ATF6: variants seen among roughly 807,000 people sequenced by gnomAD.
ATF6 encodes the protein cyclic AMP-dependent transcription factor ATF-6 alpha.
In ATF6, 53 loss-of-function variants were observed where a neutral mutation model predicts 83.6. That is an observed-to-expected ratio of 0.63 (90% CI 0.51 to 0.80). ATF6 has a LOEUF of 0.80. ATF6 is among the 30% of genes least tolerant of loss of function. The pLI is 0.00. For synonymous variants in ATF6, 288 were observed against 285.8 expected (o/e 1.01, Z -0.08); for missense variants, 744 against 797.9 (o/e 0.93, Z 0.81).
At chr1:161,805,684 C>T (rs1336432019) in intron 7 of ATF6, among the ~76,000 whole-genome samples, 1 of 151,926 alleles carries the variant, frequency 6.6e-6, no homozygotes, top group African/African-American at 2.4e-5. Flanking sequence ...TCTGTTAAAA[C>T]ACAAGTCCTA....
chr1:161,903,270 G>C (rs987238466), intron 14 of ATF6, among the ~76,000 whole-genome samples: 3 of 152,064 alleles, frequency 2.0e-5, no homozygotes, highest in Non-Finnish European at 4.4e-5. Context: ...TAAAATATAG[G>C]GGTGTCTCCT....
At chr1:161,833,505 G>GA (rs887416338) in intron 9 of ATF6, among the ~76,000 whole-genome samples, 16 of 150,766 alleles carry the variant, frequency 1.1e-4, no homozygotes, top group Admixed American at 7.3e-4. Flanking sequence ...TAAAAACTTT[G>GA]AAAAAAAAAT....
chr1:161,824,031 T>C (rs1173195863), intron 9 of ATF6, among the ~76,000 whole-genome samples: 1 of 152,218 alleles, frequency 6.6e-6, no homozygotes, highest in African/African-American at 2.4e-5. Flanking sequence ...TGTGATAGAG[T>C]TTGCCAAATT....
intron 2 of ATF6, among the ~76,000 whole-genome samples, chr1:161,780,022 G>A (rs1847383): frequency 0.49 from 74,083 of 152,042 alleles, 22,106 homozygotes; most frequent in Non-Finnish European, 0.66. Flanking sequence ...ACAGGCATGA[G>A]CCACCACACC....
At chr1:161,853,702 C>A (rs12042546) in intron 12 of ATF6, among the ~76,000 whole-genome samples, 21,630 of 152,076 alleles carry the variant, frequency 0.14, 2,103 homozygotes, top group East Asian at 0.32. Context: ...ATGTTAAGAC[C>A]TGGGGCAGTT....
chr1:161,958,516 C>A lies in ATF6; in HGVS notation c.1875C>A (p.Ile625=). 2.5e-6 allele frequency: 4 copies of A among 1,613,734 alleles called. No homozygotes were observed. The highest frequency in any genetic ancestry group is 3.4e-6 in the Non-Finnish European group (4 of 1,179,760). Residue 625 remains isoleucine, a synonymous_variant, in exon 16 of 16, where the codon ATC becomes ATA. Coordinates refer to ENST00000367942, the MANE Select transcript of ATF6 (RefSeq NM_007348.4). ...ACTGTCAGGTGATGGACACCAGGAT[C>A]CTCCATATCAAAAGTTCGTCAGTTC... ...QIDCQVMDTR[I]LHIKSSSVPP...
intron 15 of ATF6, among the ~76,000 whole-genome samples, chr1:161,947,810 C>CTTTTTTTTTTTTTTTTTTTTTTTTT (rs10524670): frequency 1.7e-5 from 1 of 57,548 alleles, no homozygotes; most frequent in Non-Finnish European, 2.8e-5. Flanking sequence ...TAAGCCACGC[C>CTTTTTTTTTTTTTTTTTTTTTTTTT]TTTTTTTTTT....
At chr1:161,863,390 A>G in intron 14 of ATF6, 78 bp downstream of exon 14, 1 of 936,710 alleles carries the variant, frequency 1.1e-6, no homozygotes, top group Non-Finnish European at 1.7e-6. Flanking sequence ...AATATTGTGG[A>G]AAATACAAAG....
In ATF6 at chr1:161,919,868, C is replaced by G. The variant is rs189871509; in HGVS notation, c.1804+7488C>G. Among the ~76,000 whole-genome samples, 376 of 152,278 alleles carry G rather than the reference C, an allele frequency of 2.5e-3. 2 individuals are homozygous for G. Among genetic ancestry groups the G allele is most frequent in the Non-Finnish European group, 4.0e-3 (275 of 68,024 alleles). The stretch of plus-strand genomic sequence containing the variant: ...CAATGGTTGCAAATACTAGTGCCAG[C>G]ACATGCAACACATTTTTAGTTGGAG... On this transcript the variant is annotated intron_variant, in intron 15 of 15. Coordinates refer to ENST00000367942, the MANE Select transcript of ATF6 (RefSeq NM_007348.4).
intron 15 of ATF6, among the ~76,000 whole-genome samples, chr1:161,937,271 G>T (rs1688553457): frequency 6.7e-6 from 1 of 149,926 alleles, no homozygotes. Flanking sequence ...GTGAACCCAG[G>T]CAGCGGAGGT....
At chr1:161,866,422 G>C (rs1242033546) in intron 14 of ATF6, among the ~76,000 whole-genome samples, 2 of 152,124 alleles carry the variant, frequency 1.3e-5, no homozygotes, top group African/African-American at 2.4e-5. Flanking sequence ...CTGAGTTCCT[G>C]TTATAGCTCA....
chr1:161,824,747 G>C (rs1378631735), intron 9 of ATF6, among the ~76,000 whole-genome samples: 1 of 152,014 alleles, frequency 6.6e-6, no homozygotes, highest in Non-Finnish European at 1.5e-5. Context: ...TTTCTTATCT[G>C]GTATACGTGG....
At chr1:161,933,339 ATG>A (rs1395207345) in intron 15 of ATF6, among the ~76,000 whole-genome samples, 1 of 152,234 alleles carries the variant, frequency 6.6e-6, no homozygotes. Context: ...ATATGTGTAT[ATG>A]TATTATTTTT....
At chr1:161,887,754 C>T (rs552181632) in intron 14 of ATF6, among the ~76,000 whole-genome samples, 1 of 152,208 alleles carries the variant, frequency 6.6e-6, no homozygotes, top group South Asian at 2.1e-4. Context: ...AGTTGGAGGA[C>T]ATATAAAAGG....
intron 15 of ATF6, among the ~76,000 whole-genome samples, chr1:161,931,614 C>T (rs1471800546): frequency 6.6e-6 from 1 of 152,128 alleles, no homozygotes; most frequent in Non-Finnish European, 1.5e-5. Flanking sequence ...TCCTCATTCA[C>T]CCCTTTCCCC....
At chr1:161,936,880 A>G (rs10753686) in intron 15 of ATF6, among the ~76,000 whole-genome samples, 95,830 of 151,980 alleles carry the variant, frequency 0.63, 31,996 homozygotes, top group Non-Finnish European at 0.75. Flanking sequence ...TTCTCATCCT[A>G]GTCACAGTGA....
At chr1:161,853,696 T>C (rs1186481576) in intron 12 of ATF6, among the ~76,000 whole-genome samples, 1 of 152,234 alleles carries the variant, frequency 6.6e-6, no homozygotes. Flanking sequence ...AAGAGAATGT[T>C]AAGACCTGGG....
intron 12 of ATF6, among the ~76,000 whole-genome samples, chr1:161,857,949 T>G (rs1686799497): frequency 6.6e-6 from 1 of 152,042 alleles, no homozygotes; most frequent in Non-Finnish European, 1.5e-5. Flanking sequence ...CATAAAGAAG[T>G]ACAGCTAGAG....
chr1:161,817,255 A>C (rs1007321931), intron 7 of ATF6, among the ~76,000 whole-genome samples: 4 of 152,224 alleles, frequency 2.6e-5, no homozygotes, highest in Non-Finnish European at 5.9e-5. Context: ...CAGATTAATT[A>C]GCCTTTAAAG....
Sources: allele counts gnomAD v4.1 joint callset (sites outside exome capture counted in the v4.1 genomes callset), GRCh38; gene constraint gnomAD v4.1.1; transcripts MANE v1.5; gene names NCBI Gene and HGNC (gene_info 2026-07-23, HGNC 2026-07-21).